Variants in DPYSL2 observed in about 807,000 individuals in gnomAD.
DPYSL2 encodes the protein dihydropyrimidinase-related protein 2.
Under a neutral mutation model 69.9 loss-of-function variants are expected in DPYSL2, and 13 were observed. The observed-to-expected ratio is 0.19, with a 90% CI of 0.12 to 0.30. DPYSL2 has a LOEUF of 0.30. DPYSL2 is among the 10% of genes least tolerant of loss of function. The probability of loss-of-function intolerance (pLI) is 1.00; values close to 1 mark genes in which losing one functional copy is unlikely to be tolerated. For missense variants in DPYSL2, 587 were observed against 918.9 expected (o/e 0.64, Z 4.67); for synonymous variants, 326 against 359.1 (o/e 0.91, Z 1.04).
chr8:26,602,544 C>T (rs1802015814), intron 3 of DPYSL2, among the ~76,000 whole-genome samples: 1 of 152,176 alleles, frequency 6.6e-6, no homozygotes, highest in Non-Finnish European at 1.5e-5. Context: ...TGGTCACCTT[C>T]ATGGCACCAT....
chr8:26,567,835 T>C (rs1347947735), intron 1 of DPYSL2, among the ~76,000 whole-genome samples: 3 of 152,212 alleles, frequency 2.0e-5, no homozygotes, highest in African/African-American at 4.8e-5. Flanking sequence ...ATGAAGGGCA[T>C]CAATTCCCAC....
chr8:26,633,781 T>C (rs562142457), intron 7 of DPYSL2, among the ~76,000 whole-genome samples: 2 of 152,282 alleles, frequency 1.3e-5, no homozygotes, highest in East Asian at 3.9e-4. Flanking sequence ...GACTGGAACA[T>C]CCGATTTAAA....
At chr8:26,612,512 T>G (rs327213) in intron 3 of DPYSL2, among the ~76,000 whole-genome samples, 151,993 of 152,330 alleles carry the variant, frequency 1, 75,828 homozygotes, top group Middle Eastern at 1. Context: ...ATTGAATTAG[T>G]AAGACTCTAA....
In DPYSL2 at chr8:26,626,874, G is replaced by A. The variant is rs562816007; in HGVS notation, c.855+196G>A. On this transcript the variant is annotated intron_variant, in intron 5 of 13. Coordinates refer to ENST00000521913, the MANE Select transcript of DPYSL2 (RefSeq NM_001197293.3). The surrounding 1 kb of genome is among the most constrained non-coding windows in gnomAD (Gnocchi z 4.3). ...CCCTGGCCCCCAGCACTGCCACTCC[G>A]CCGCCCTGGATCTGAGGCTCTGCCC... 2.0e-5 allele frequency among the ~76,000 whole-genome samples: 3 copies of A among 152,242 alleles called. No homozygotes were observed. Among genetic ancestry groups the A allele is most frequent in the African/African-American group, 7.2e-5 (3 of 41,560 alleles).
In DPYSL2 at chr8:26,586,504, T is replaced by C. The variant is rs924160964; in HGVS notation, c.628+2521T>C. Among the ~76,000 whole-genome samples the C allele has an allele frequency of 6.6e-6, 1 of 152,184 alleles. No homozygotes were observed. The highest frequency in any genetic ancestry group is 2.4e-5 in the African/African-American group (1 of 41,450). ...GGGTCTGCCTCTTCCCTCCACACGC[T>C]CGCCCCGTGCTTAGGCCCCCACTCT... On this transcript the variant is annotated intron_variant, in intron 3 of 13. Transcript: ENST00000521913. This position sits in a 1 kb window ranked among gnomAD's most constrained non-coding sequence, Gnocchi z 4.7.
chr8:26,642,469 A>G lies in DPYSL2; in HGVS notation c.1127-970A>G, dbSNP rs1803072076. 6.6e-6 allele frequency among the ~76,000 whole-genome samples: 1 copy of G among 152,178 alleles called. No individual in the cohort carries two copies. The highest frequency in any genetic ancestry group is 2.4e-5 in the African/African-American group (1 of 41,444). On this transcript the variant is annotated intron_variant, in intron 8 of 13. Coordinates refer to ENST00000521913, the MANE Select transcript of DPYSL2 (RefSeq NM_001197293.3). The surrounding 1 kb of genome is among the most constrained non-coding windows in gnomAD (Gnocchi z 5.3). ...GAGAATGCCATGGAAAGATTATATT[A>G]TAGTGGATCACTCTGGAAGTGTCAT...
intron 1 of DPYSL2, among the ~76,000 whole-genome samples, chr8:26,557,951 G>T (rs1032964626): frequency 1.3e-5 from 2 of 151,816 alleles, no homozygotes; most frequent in Non-Finnish European, 2.9e-5. Context: ...CCAAATGCTT[G>T]TGAGGATGTG....
At chr8:26,540,468 T>G (rs1800660770) in intron 1 of DPYSL2, among the ~76,000 whole-genome samples, 2 of 152,220 alleles carry the variant, frequency 1.3e-5, no homozygotes, top group Non-Finnish European at 2.9e-5. Flanking sequence ...CTGAAAACTT[T>G]CCACAGATTG....
chr8:26,526,002 G>A (rs1424193321), intron 1 of DPYSL2, among the ~76,000 whole-genome samples: 1 of 151,994 alleles, frequency 6.6e-6, no homozygotes, highest in African/African-American at 2.4e-5. Context: ...GACATTTCTT[G>A]TTAGATTTAT....
At chr8:26,520,541 T>C (rs1808368673) in intron 1 of DPYSL2, among the ~76,000 whole-genome samples, 3 of 152,054 alleles carry the variant, frequency 2.0e-5, no homozygotes, top group African/African-American at 7.2e-5. Context: ...TCTTTATGAA[T>C]GTGCCCTAAA....
chr8:26,514,809 CCG>C lies in DPYSL2; in HGVS notation c.354+132_354+133del. 2.5e-6 allele frequency: 2 copies of C among 810,706 alleles called. No homozygotes were observed. The highest frequency in any genetic ancestry group is 4.8e-5 in the South Asian group (2 of 41,392). The allele number at this position is 810,706 out of a possible 1,614,324, so 50.2% of individuals were successfully genotyped here. The stretch of plus-strand genomic sequence containing the variant: ...CGCCTCCCGCATCTGCACGCGCACC[CCG>C]CCCTACCCGCCCCTTCTCCGCGCAG... On this transcript the variant is annotated intron_variant, in intron 1 of 13. Coordinates refer to ENST00000521913, the MANE Select transcript of DPYSL2 (RefSeq NM_001197293.3). This position sits in a 1 kb window ranked among gnomAD's most constrained non-coding sequence, Gnocchi z 8.4.
intron 7 of DPYSL2, 43 bp from the exon 8 acceptor site, chr8:26,634,737 G>A: frequency 6.2e-7 from 1 of 1,613,064 alleles, no homozygotes; most frequent in South Asian, 1.1e-5. Context: ...CGGCTCGTGG[G>A]GTGGGCTGAG....
intron 1 of DPYSL2, among the ~76,000 whole-genome samples, chr8:26,534,374 G>A (rs1366942534): frequency 6.6e-6 from 1 of 151,934 alleles, no homozygotes; most frequent in Non-Finnish European, 1.5e-5. Context: ...GTCCAGGCTG[G>A]TCTCGAACTC....
chr8:26,634,360 G>A (rs1051023954), intron 7 of DPYSL2, among the ~76,000 whole-genome samples: 1 of 149,680 alleles, frequency 6.7e-6, no homozygotes, highest in African/African-American at 2.4e-5. Context: ...TGCCTGCTGG[G>A]TTCAAGTGAT....
intron 1 of DPYSL2, among the ~76,000 whole-genome samples, chr8:26,555,945 T>G (rs912501892): frequency 2.3e-5 from 3 of 128,182 alleles, no homozygotes; most frequent in African/African-American, 8.9e-5. Context: ...ATACTATATA[T>G]ACATATACAT....
rs143599586 is a variant in DPYSL2 at position 26,653,872 on chromosome 8, T to G, written c.1942+475T>G. On this transcript the variant is annotated intron_variant, in intron 13 of 13. Coordinates refer to ENST00000521913, the MANE Select transcript of DPYSL2 (RefSeq NM_001197293.3). This position sits in a 1 kb window ranked among gnomAD's most constrained non-coding sequence, Gnocchi z 5.7. ...GGCCCAGCCTAGCTTGGCCTGGAGA[T>G]GTATTTTCATAGTTAATGACTGGTT... is the stretch of plus-strand genomic sequence containing the variant. Among the ~76,000 whole-genome samples, 3 of 152,312 alleles carry G rather than the reference T, an allele frequency of 2.0e-5. No individual in the cohort carries two copies. Among genetic ancestry groups the G allele is most frequent in the African/African-American group, 7.2e-5 (3 of 41,568 alleles).
chr8:26,542,495 C>T (rs2117625064), intron 1 of DPYSL2, among the ~76,000 whole-genome samples: 1 of 151,788 alleles, frequency 6.6e-6, no homozygotes, highest in Admixed American at 6.6e-5. Flanking sequence ...GATCATAGGT[C>T]ACTGGAACCT....
chr8:26,643,013 A>C lies in DPYSL2; in HGVS notation c.1127-426A>C. The C allele has an allele frequency of 6.1e-6, 1 of 162,860 alleles. No homozygotes were observed. Among genetic ancestry groups the C allele is most frequent in the Non-Finnish European group, 1.3e-5 (1 of 74,582 alleles). 10.1% of individuals were successfully genotyped at this position (162,860 alleles called of 1,614,324 possible). On this transcript the variant is annotated intron_variant, in intron 8 of 13. Transcript: ENST00000521913. The surrounding 1 kb of genome is among the most constrained non-coding windows in gnomAD (Gnocchi z 6.5). ...AGCTAGACACTGTGAAGGGCTAGGA[A>C]TTGTGAAAAGATTGTGTGAATGAAC...
In DPYSL2 at chr8:26,588,848, G is replaced by A. The variant is rs950094763; in HGVS notation, c.628+4865G>A. On this transcript the variant is annotated intron_variant, in intron 3 of 13. Transcript: ENST00000521913. This position sits in a 1 kb window ranked among gnomAD's most constrained non-coding sequence, Gnocchi z 5.4. Reference sequence around the variant, plus strand: ...AGGTTGTGCTGGCGGTATCTGCAGAGTCATCCTAGCATCTTCATGTCCTCG... The same window carrying A: ...AGGTTGTGCTGGCGGTATCTGCAGAATCATCCTAGCATCTTCATGTCCTCG... 4.6e-5 allele frequency among the ~76,000 whole-genome samples: 7 copies of A among 152,152 alleles called. No homozygotes were observed. Among genetic ancestry groups the A allele is most frequent in the African/African-American group, 1.7e-4 (7 of 41,424 alleles).
Sources: gnomAD v4.1 joint callset for allele counts (sites outside exome capture counted in the v4.1 genomes callset) on GRCh38, gnomAD v4.1.1 for gene constraint, Gnocchi (gnomAD v3.1) non-coding constraint, MANE v1.5 for transcripts, NCBI Gene and HGNC (gene_info 2026-07-23, HGNC 2026-07-21) for gene names.